TLR6: variants seen among roughly 807,000 people sequenced by gnomAD.
TLR6 encodes toll like receptor 6.
Under a neutral mutation model 16.1 loss-of-function variants are expected in TLR6, and 9 were observed. That is an observed-to-expected ratio of 0.56 (90% CI 0.34 to 0.98). The LOEUF is 0.98. Among genes scored for constraint, TLR6 ranks in the 50% least tolerant of loss-of-function variants. The pLI is 0.02. For synonymous variants in TLR6, 340 were observed against 338.6 expected, an observed-to-expected ratio of 1.00 and a Z score of -0.04; for missense variants, 786 against 921.0, an observed-to-expected ratio of 0.85 and a Z score of 1.90.
the TLR6 span, among the ~76,000 whole-genome samples, chr4:38,863,387 C>G: frequency 6.6e-6 from 1 of 152,130 alleles, no homozygotes; most frequent in African/African-American, 2.4e-5. Context: ...ACTCCATGCA[C>G]TCTCATCCTG....
At chr4:38,845,411 A>G (rs1171329925) in intron 1 of TLR6, among the ~76,000 whole-genome samples, 1 of 152,242 alleles carries the variant, frequency 6.6e-6, no homozygotes, top group East Asian at 1.9e-4. Flanking sequence ...ATAGTTGCTA[A>G]TCAACTGATC....
At chr4:38,854,992 G>A (rs1050606569) in intron 1 of TLR6, among the ~76,000 whole-genome samples, 21 of 152,092 alleles carry the variant, frequency 1.4e-4, no homozygotes, top group Admixed American at 1.4e-3. Flanking sequence ...GGTGGATCAC[G>A]AGGTCAGGAG....
intron 1 of TLR6, among the ~76,000 whole-genome samples, chr4:38,844,822 G>A (rs925161962): frequency 6.6e-6 from 1 of 152,332 alleles, no homozygotes; most frequent in East Asian, 1.9e-4. Flanking sequence ...GGGAGGCCAA[G>A]GTGGGTGGAT....
chr4:38,852,626 A>G (rs1336286279), intron 1 of TLR6, among the ~76,000 whole-genome samples: 2 of 152,174 alleles, frequency 1.3e-5, no homozygotes, highest in African/African-American at 4.8e-5. Context: ...AGACACATGA[A>G]AAAATGCTCA....
chr4:38,824,658 G>A (rs1727463671), exon 2 of TLR6: 1 of 152,194 alleles, frequency 6.6e-6, no homozygotes, highest in African/African-American at 2.4e-5. Context: ...GGAAGAATGT[G>A]CCGTTTGGGA....
intron 1 of TLR6, among the ~76,000 whole-genome samples, chr4:38,839,525 C>A (rs1712143741): frequency 6.6e-6 from 1 of 152,150 alleles, no homozygotes; most frequent in Non-Finnish European, 1.5e-5. Flanking sequence ...CCAAAAACTC[C>A]AAGACATACT....
chr4:38,863,012 C>A, the TLR6 span, among the ~76,000 whole-genome samples: 1 of 150,162 alleles, frequency 6.7e-6, no homozygotes, highest in Admixed American at 6.6e-5. Flanking sequence ...GAACTCCTTG[C>A]AAGAGCTTTT....
chr4:38,829,471 C>G, exon 2 of TLR6: 1 of 1,602,274 alleles, frequency 6.2e-7, no homozygotes, highest in Non-Finnish European at 8.5e-7. Context: ...TGTCTTTGGT[C>G]ATGATGTTGC....
upstream of TLR6, among the ~76,000 whole-genome samples, chr4:38,861,777 C>G (rs1417092385): frequency 9.9e-5 from 15 of 152,140 alleles, no homozygotes. Context: ...CCAAAATCTC[C>G]TTCTCGTGTC....
intron 1 of TLR6, among the ~76,000 whole-genome samples, chr4:38,841,222 T>C (rs1162748333): frequency 6.6e-6 from 1 of 152,224 alleles, no homozygotes; most frequent in Non-Finnish European, 1.5e-5. Context: ...ATTTATTTTA[T>C]GCAACGTTGA....
intron 1 of TLR6, among the ~76,000 whole-genome samples, chr4:38,835,465 T>C (rs900923196): frequency 5.3e-5 from 8 of 152,200 alleles, no homozygotes; most frequent in African/African-American, 1.7e-4. Context: ...CATCCAGATA[T>C]ATAAAGCAAA....
chr4:38,828,725 G>T, exon 2 of TLR6: 2 of 1,614,056 alleles, frequency 1.2e-6, no homozygotes, highest in Non-Finnish European at 1.7e-6. Context: ...ATTCAGTAAG[G>T]TTGAACCTCT....
At chr4:38,847,522 T>C (rs542048009) in intron 1 of TLR6, among the ~76,000 whole-genome samples, 1 of 152,176 alleles carries the variant, frequency 6.6e-6, no homozygotes, top group East Asian at 1.9e-4. Flanking sequence ...GGTCAGGAAT[T>C]CCCTTTCCTA....
chr4:38,828,820 A>G (rs1353246466), exon 2 of TLR6: 1 of 1,614,010 alleles, frequency 6.2e-7, no homozygotes, highest in African/African-American at 1.3e-5. Flanking sequence ...ACCCTAAAGT[A>G]TTAACTGATA....
At chr4:38,844,806 C>T (rs182622759) in intron 1 of TLR6, among the ~76,000 whole-genome samples, 8 of 152,294 alleles carry the variant, frequency 5.3e-5, no homozygotes, top group Admixed American at 5.2e-4. Context: ...GTAATCCCAG[C>T]ACTTTGGGAG....
At chr4:38,862,081 T>C in the TLR6 span, among the ~76,000 whole-genome samples, 1 of 152,284 alleles carries the variant, frequency 6.6e-6, no homozygotes. Context: ...CATCTTCCCC[T>C]GAAATTCTAT....
chr4:38,861,946 C>G, the TLR6 span, among the ~76,000 whole-genome samples: 1 of 152,218 alleles, frequency 6.6e-6, no homozygotes, highest in South Asian at 2.1e-4. Context: ...TCCCTGAACT[C>G]CAGACTCTCA....
At chr4:38,858,478 G>A (rs145458022), upstream of TLR6, among the ~76,000 whole-genome samples, 29 of 152,218 alleles carry the variant, frequency 1.9e-4, no homozygotes, top group African/African-American at 6.5e-4. Context: ...CCAGCACTTC[G>A]GGAGGCCGAG....
chr4:38,867,063 T>A, the TLR6 span, among the ~76,000 whole-genome samples: 2 of 152,240 alleles, frequency 1.3e-5, no homozygotes, highest in African/African-American at 4.8e-5. Flanking sequence ...TATTAAGCCA[T>A]ATTTGAGGAA....
Sources: allele counts gnomAD v4.1 joint callset (sites outside exome capture counted in the v4.1 genomes callset), GRCh38; gene constraint gnomAD v4.1.1; transcripts MANE v1.5; gene names NCBI Gene and HGNC (gene_info 2026-07-23, HGNC 2026-07-21).